Variants in ZDHHC14 observed in about 807,000 individuals in gnomAD.
ZDHHC14 encodes zDHHC palmitoyltransferase 14.
In ZDHHC14, 16 loss-of-function variants were observed where a neutral mutation model predicts 47.7. The observed-to-expected ratio is 0.34, with a 90% CI of 0.23 to 0.51. The LOEUF (loss-of-function observed/expected upper bound fraction) is 0.51. ZDHHC14 is among the 20% of genes least tolerant of loss of function. The probability of loss-of-function intolerance (pLI) is 0.97; values close to 1 mark genes in which losing one functional copy is unlikely to be tolerated. For synonymous variants in ZDHHC14, 293 were observed against 278.9 expected (o/e 1.05, Z -0.50); for missense variants, 515 against 662.5 (o/e 0.78, Z 2.44).
At chr6:157,651,406 G>C (rs1400136159) in intron 7 of ZDHHC14, among the ~76,000 whole-genome samples, 5 of 152,118 alleles carry the variant, frequency 3.3e-5, no homozygotes, top group Non-Finnish European at 7.3e-5. Context: ...TTCTTATAAG[G>C]ACACCAGCCA....
intron 1 of ZDHHC14, among the ~76,000 whole-genome samples, chr6:157,531,687 A>G (rs1035510805): frequency 6.6e-6 from 1 of 150,932 alleles, no homozygotes; most frequent in Non-Finnish European, 1.5e-5. Flanking sequence ...GCTTGCTGGC[A>G]GGTAGTGTGT....
intron 3 of ZDHHC14, among the ~76,000 whole-genome samples, chr6:157,626,901 C>G (rs201742639): frequency 0.19 from 25,173 of 132,792 alleles, 2,942 homozygotes; most frequent in East Asian, 0.41. Flanking sequence ...GGGGGGGGGG[C>G]GGCGGGGGCA....
chr6:157,576,083 G>A (rs1783298706), intron 2 of ZDHHC14, among the ~76,000 whole-genome samples: 1 of 152,222 alleles, frequency 6.6e-6, no homozygotes, highest in Non-Finnish European at 1.5e-5. Context: ...GGTGCTGCCT[G>A]CATGTGGCTT....
intron 2 of ZDHHC14, among the ~76,000 whole-genome samples, chr6:157,584,374 C>A (rs1395810538): frequency 6.6e-6 from 1 of 152,210 alleles, no homozygotes; most frequent in Non-Finnish European, 1.5e-5. Flanking sequence ...GCAGTTAGGG[C>A]ACTACCACTA....
chr6:157,643,650 A>AATATATAT (rs3056787), intron 5 of ZDHHC14, among the ~76,000 whole-genome samples: 7,971 of 72,286 alleles, frequency 0.11, 1,244 homozygotes, highest in Non-Finnish European at 0.14. Context: ...CTTCATCTCA[A>AATATATAT]ATATATATAT....
At chr6:157,473,382 A>G (rs62423916) in intron 1 of ZDHHC14, among the ~76,000 whole-genome samples, 6,584 of 152,310 alleles carry the variant, frequency 0.043, 211 homozygotes, top group Non-Finnish European at 0.07. Flanking sequence ...TCACTTTTTA[A>G]GATCCCACAT....
chr6:157,432,576 C>G (rs1314705456), intron 1 of ZDHHC14, among the ~76,000 whole-genome samples: 3 of 152,156 alleles, frequency 2.0e-5, no homozygotes, highest in Non-Finnish European at 4.4e-5. Context: ...GGTAGCCTTC[C>G]AATAGGAGGT....
intron 1 of ZDHHC14, among the ~76,000 whole-genome samples, chr6:157,458,190 C>T (rs955781305): frequency 7.9e-5 from 12 of 152,248 alleles, no homozygotes; most frequent in Non-Finnish European, 1.3e-4. Context: ...GAGGATTATT[C>T]GGGGTAATTT....
At chr6:157,506,381 T>C (rs1780326567) in intron 1 of ZDHHC14, among the ~76,000 whole-genome samples, 2 of 152,232 alleles carry the variant, frequency 1.3e-5, no homozygotes, top group African/African-American at 4.8e-5. Flanking sequence ...ATATTCTGAC[T>C]CTGGGAATCC....
chr6:157,406,325 A>G (rs1453025248), intron 1 of ZDHHC14, among the ~76,000 whole-genome samples: 1 of 152,236 alleles, frequency 6.6e-6, no homozygotes, highest in Non-Finnish European at 1.5e-5. Context: ...ATTCTTGAAC[A>G]TGTGATGTCT....
chr6:157,580,712 T>TTG lies in ZDHHC14; in HGVS notation c.407-12254_407-12253dup, dbSNP rs35713410. ...TAGTACTGTCTGGGTTTTTTGTGTT[T>TTG]TGTGTGTGTGTGTGTGTGTGTGTTT... On this transcript the variant is annotated intron_variant, in intron 2 of 8. Coordinates refer to ENST00000359775, the MANE Select transcript of ZDHHC14 (RefSeq NM_024630.3). Among the ~76,000 whole-genome samples the TTG allele has an allele frequency of 3.3e-3, 484 of 148,700 alleles. 2 individuals carry two copies. Among genetic ancestry groups the TTG allele is most frequent in the East Asian group, 8.3e-3 (42 of 5,054 alleles).
At chr6:157,671,196 A>G (rs1778780026) in intron 8 of ZDHHC14, among the ~76,000 whole-genome samples, 1 of 152,194 alleles carries the variant, frequency 6.6e-6, no homozygotes, top group Non-Finnish European at 1.5e-5. Context: ...AAGCCAAATA[A>G]CATTTATTAA....
chr6:157,428,889 C>T (rs558122250), intron 1 of ZDHHC14, among the ~76,000 whole-genome samples: 1 of 152,304 alleles, frequency 6.6e-6, no homozygotes, highest in African/African-American at 2.4e-5. Flanking sequence ...TATGATTTCA[C>T]TCGAGTGACA....
intron 1 of ZDHHC14, among the ~76,000 whole-genome samples, chr6:157,392,049 G>GCAAGACTTCCATTTTA (rs1387123618): frequency 6.6e-6 from 1 of 152,144 alleles, no homozygotes; most frequent in East Asian, 1.9e-4. Flanking sequence ...TGCGGAATCT[G>GCAAGACTTCCATTTTA]CAAGACTTCC....
chr6:157,610,345 T>A (rs979194189), intron 3 of ZDHHC14, among the ~76,000 whole-genome samples: 1 of 152,040 alleles, frequency 6.6e-6, no homozygotes, highest in East Asian at 1.9e-4. Flanking sequence ...GGCAGGAGAA[T>A]AGCGTGAACC....
chr6:157,520,917 T>C (rs1376176123), intron 1 of ZDHHC14, among the ~76,000 whole-genome samples: 2 of 152,236 alleles, frequency 1.3e-5, no homozygotes, highest in African/African-American at 4.8e-5. Flanking sequence ...AGAAATTATA[T>C]TGTTCTAGAC....
At chr6:157,654,290 C>T (rs1777983791) in intron 8 of ZDHHC14, among the ~76,000 whole-genome samples, 1 of 152,128 alleles carries the variant, frequency 6.6e-6, no homozygotes, top group South Asian at 2.1e-4. Flanking sequence ...CGCTCATGGA[C>T]ACCAGGAATC....
intron 4 of ZDHHC14, chr6:157,632,574 G>A (rs549434097): frequency 7.2e-5 from 37 of 511,926 alleles, no homozygotes; most frequent in East Asian, 4.1e-4. Flanking sequence ...TATAATTTAC[G>A]GGAAAGTGTG....
At chr6:157,667,567 A>G (rs1360357657) in intron 8 of ZDHHC14, among the ~76,000 whole-genome samples, 1 of 152,074 alleles carries the variant, frequency 6.6e-6, no homozygotes, top group Non-Finnish European at 1.5e-5. Context: ...AAGAAAGTTA[A>G]GTAGAAAAGT....
Sources: allele counts gnomAD v4.1 joint callset (sites outside exome capture counted in the v4.1 genomes callset), GRCh38; gene constraint gnomAD v4.1.1; transcripts MANE v1.5; gene names NCBI Gene and HGNC (gene_info 2026-07-23, HGNC 2026-07-21).